CNTN5: variants seen among roughly 807,000 people sequenced by gnomAD.
CNTN5 encodes contactin-5.
In CNTN5, 77 loss-of-function variants were observed where a neutral mutation model predicts 129.1. The observed-to-expected ratio is 0.60, with a 90% CI of 0.50 to 0.72. The LOEUF (loss-of-function observed/expected upper bound fraction) is 0.72, where lower values mean the gene tolerates loss of function less well. CNTN5 is among the 30% of genes least tolerant of loss of function. The pLI, the probability that CNTN5 is intolerant of heterozygous loss-of-function variation, is 0.00. For synonymous variants in CNTN5, 509 were observed against 465.6 expected, an observed-to-expected ratio of 1.09 and a Z score of -1.20; for missense variants, 1,478 against 1,328.8, an observed-to-expected ratio of 1.11 and a Z score of -1.75.
chr11:99,763,968 A>C (rs1196898437), intron 3 of CNTN5, among the ~76,000 whole-genome samples: 1 of 152,122 alleles, frequency 6.6e-6, no homozygotes, highest in Non-Finnish European at 1.5e-5. Flanking sequence ...TTTAAAATGA[A>C]TTATTGTGGA....
chr11:99,257,424 C>A (rs991251004), intron 1 of CNTN5, among the ~76,000 whole-genome samples: 2 of 151,940 alleles, frequency 1.3e-5, no homozygotes, highest in Non-Finnish European at 2.9e-5. Flanking sequence ...GTCAAACTAT[C>A]CATCTTTACT....
chr11:99,731,532 C>T (rs766520979), intron 3 of CNTN5, among the ~76,000 whole-genome samples: 4 of 152,130 alleles, frequency 2.6e-5, no homozygotes, highest in Non-Finnish European at 5.9e-5. Context: ...TATTTAGAGA[C>T]TCAAAATTCC....
chr11:100,037,359 A>C (rs925445704), intron 9 of CNTN5, among the ~76,000 whole-genome samples: 3 of 151,746 alleles, frequency 2.0e-5, no homozygotes, highest in African/African-American at 7.3e-5. Context: ...GTGCTGCTGG[A>C]TTTGGTTTGC....
At chr11:100,337,894 A>G (rs1266728781) in intron 21 of CNTN5, among the ~76,000 whole-genome samples, 1 of 152,162 alleles carries the variant, frequency 6.6e-6, no homozygotes, top group Non-Finnish European at 1.5e-5. Context: ...AATGCAAATA[A>G]CTCTTTTATA....
chr11:99,476,891 A>G (rs911667512), intron 2 of CNTN5, among the ~76,000 whole-genome samples: 1 of 152,002 alleles, frequency 6.6e-6, no homozygotes, highest in East Asian at 1.9e-4. Context: ...TTGAGTTTCT[A>G]TTGTTTTGTT....
intron 18 of CNTN5, among the ~76,000 whole-genome samples, chr11:100,293,980 T>C (rs1236032443): frequency 2.6e-5 from 4 of 151,710 alleles, no homozygotes; most frequent in Non-Finnish European, 5.9e-5. Context: ...AAAAATTATT[T>C]TTTAAATGTT....
chr11:99,597,131 G>T (rs539484232), intron 3 of CNTN5, among the ~76,000 whole-genome samples: 2 of 152,216 alleles, frequency 1.3e-5, no homozygotes, highest in African/African-American at 2.4e-5. Flanking sequence ...TCCTACTGTT[G>T]TAAGAGGATA....
chr11:99,557,429 A>G (rs1182391712), intron 3 of CNTN5, among the ~76,000 whole-genome samples: 1 of 151,288 alleles, frequency 6.6e-6, no homozygotes, highest in Admixed American at 6.6e-5. Context: ...AAAATATCTA[A>G]TTGATTATAC....
At chr11:99,719,432 A>G (rs1943093635) in intron 3 of CNTN5, among the ~76,000 whole-genome samples, 1 of 152,104 alleles carries the variant, frequency 6.6e-6, no homozygotes, top group African/African-American at 2.4e-5. Flanking sequence ...ATAGGAGTAA[A>G]ATGTATGCAA....
At chr11:99,648,436 T>C (rs549179889) in intron 3 of CNTN5, among the ~76,000 whole-genome samples, 67 of 151,918 alleles carry the variant, frequency 4.4e-4, no homozygotes, top group Admixed American at 1.5e-3. Flanking sequence ...GGGAAAGATG[T>C]GGAGAAAAGG....
At chr11:99,921,793 G>A (rs191228300) in intron 7 of CNTN5, among the ~76,000 whole-genome samples, 12 of 152,106 alleles carry the variant, frequency 7.9e-5, no homozygotes, top group African/African-American at 2.9e-4. Context: ...TATGAAATGA[G>A]CCCAGGTTTT....
chr11:100,211,507 T>C (rs944827707), intron 15 of CNTN5, among the ~76,000 whole-genome samples: 1 of 152,032 alleles, frequency 6.6e-6, no homozygotes, highest in Non-Finnish European at 1.5e-5. Context: ...TTTACCAATG[T>C]CTTGGGAAAG....
chr11:99,571,072 T>C (rs117963005), intron 3 of CNTN5, among the ~76,000 whole-genome samples: 7,384 of 152,104 alleles, frequency 0.049, 257 homozygotes, highest in South Asian at 0.091. Context: ...AGATAGACAA[T>C]GGCCAGAGCA....
At chr11:100,058,214 A>G (rs1306775437) in intron 9 of CNTN5, among the ~76,000 whole-genome samples, 1 of 152,106 alleles carries the variant, frequency 6.6e-6, no homozygotes, top group African/African-American at 2.4e-5. Flanking sequence ...AAACAATACA[A>G]TCAAGGAAAA....
At chr11:100,187,650 A>G (rs1948342711) in intron 13 of CNTN5, among the ~76,000 whole-genome samples, 2 of 152,132 alleles carry the variant, frequency 1.3e-5, no homozygotes, top group African/African-American at 4.8e-5. Context: ...CCACACCTAC[A>G]GTCATCTTAC....
chr11:100,005,767 A>C (rs1287032044), intron 9 of CNTN5, among the ~76,000 whole-genome samples: 1 of 152,138 alleles, frequency 6.6e-6, no homozygotes, highest in Non-Finnish European at 1.5e-5. Flanking sequence ...GGATGGAGTG[A>C]AAAATATTTA....
intron 1 of CNTN5, among the ~76,000 whole-genome samples, chr11:99,119,510 T>C (rs184789307): frequency 2.0e-5 from 3 of 152,286 alleles, no homozygotes; most frequent in African/African-American, 7.2e-5. Flanking sequence ...ATGATGTATA[T>C]GTAGATTTTC....
At chr11:100,163,984 G>A (rs1207726103) in intron 13 of CNTN5, among the ~76,000 whole-genome samples, 2 of 151,606 alleles carry the variant, frequency 1.3e-5, no homozygotes, top group South Asian at 2.1e-4. Context: ...CTCACCCAAG[G>A]TCAAAATCCT....
At chr11:99,107,443 C>G (rs1867049498) in intron 1 of CNTN5, among the ~76,000 whole-genome samples, 1 of 151,916 alleles carries the variant, frequency 6.6e-6, no homozygotes, top group African/African-American at 2.4e-5. Context: ...TAAGATTTTA[C>G]ATTACATATT....
Sources: gnomAD v4.1 joint callset for allele counts (sites outside exome capture counted in the v4.1 genomes callset) on GRCh38, gnomAD v4.1.1 for gene constraint, MANE v1.5 for transcripts, NCBI Gene and HGNC (gene_info 2026-07-23, HGNC 2026-07-21) for gene names.